The following AFF2 variants were observed in gnomAD, a reference collection of about 807,000 sequenced individuals.
AFF2 encodes AF4/FMR2 family member 2.
Under a neutral mutation model 76.9 loss-of-function variants are expected in AFF2, and 14 were observed. That is an observed-to-expected ratio of 0.18 (90% CI 0.12 to 0.28). AFF2 has a LOEUF of 0.28. Ranked by LOEUF, AFF2 falls within the 10% of genes least tolerant of loss-of-function variation. AFF2 has a pLI of 1.00. For synonymous variants in AFF2, 398 were observed against 366.7 expected (o/e 1.09, Z -0.98); for missense variants, 868 against 1,001.1 (o/e 0.87, Z 1.79).
At chrX:148,616,672 C>T (rs1235222706) in intron 1 of AFF2, among the ~76,000 whole-genome samples, 1 of 110,192 alleles carries the variant, frequency 9.1e-6, no homozygotes, top group Non-Finnish European at 1.9e-5. Context: ...GTGCTGCACC[C>T]ATTAACTCGT....
chrX:148,743,765 G>A (rs1261216232), intron 3 of AFF2, among the ~76,000 whole-genome samples: 1 of 111,015 alleles, frequency 9.0e-6, no homozygotes, highest in Non-Finnish European at 1.9e-5. Context: ...CCATTGGGTG[G>A]TCAGAGTAGG....
intron 1 of AFF2, among the ~76,000 whole-genome samples, chrX:148,625,443 A>G (rs2053915231): frequency 9.0e-6 from 1 of 110,767 alleles, no homozygotes; most frequent in African/African-American, 3.3e-5. Context: ...ACATCTTCAA[A>G]GGACAGGAGA....
intron 7 of AFF2, among the ~76,000 whole-genome samples, chrX:148,858,982 T>C (rs1440234687): frequency 9.3e-6 from 1 of 107,714 alleles, no homozygotes; most frequent in African/African-American, 3.4e-5. Context: ...AAGATTTTCA[T>C]TACTAGATAT....
chrX:148,568,628 T>A (rs1206310360), intron 1 of AFF2, among the ~76,000 whole-genome samples: 3 of 112,047 alleles, frequency 2.7e-5, no homozygotes, highest in Non-Finnish European at 3.8e-5. Flanking sequence ...GTTTTCTGTT[T>A]GCTTGACATT....
intron 1 of AFF2, among the ~76,000 whole-genome samples, chrX:148,650,163 G>T (rs1379485886): frequency 9.0e-6 from 1 of 110,775 alleles, no homozygotes; most frequent in East Asian, 2.8e-4. Flanking sequence ...GCCAATTTAT[G>T]GTGTTGAGGT....
chrX:148,739,698 G>GT (rs1184064371), intron 3 of AFF2, among the ~76,000 whole-genome samples: 1 of 111,009 alleles, frequency 9.0e-6, no homozygotes, highest in Non-Finnish European at 1.9e-5. Context: ...CTTTTTTTTA[G>GT]TTTTTTCTTT....
chrX:148,867,905 C>T (rs1056117266), intron 7 of AFF2, among the ~76,000 whole-genome samples: 1 of 111,640 alleles, frequency 9.0e-6, no homozygotes, highest in Non-Finnish European at 1.9e-5. Context: ...TATGTAAATA[C>T]TCCAAGTTCC....
At chrX:148,525,161 G>T (rs2052644813) in intron 1 of AFF2, among the ~76,000 whole-genome samples, 1 of 111,959 alleles carries the variant, frequency 8.9e-6, no homozygotes, top group Non-Finnish European at 1.9e-5. Flanking sequence ...GTGTACGTGT[G>T]TGTGTGTGCA....
At chrX:148,602,070 C>T (rs782031245) in intron 1 of AFF2, among the ~76,000 whole-genome samples, 24 of 111,731 alleles carry the variant, frequency 2.1e-4, no homozygotes, top group Non-Finnish European at 4.3e-4. Context: ...AGGGCATTAC[C>T]TTTAACAGGG....
intron 1 of AFF2, among the ~76,000 whole-genome samples, chrX:148,581,486 C>A (rs781863447): frequency 1.3e-5 from 1 of 76,292 alleles, no homozygotes; most frequent in African/African-American, 5.7e-5. Context: ...ACGTATACGT[C>A]TACGTGTACA....
chrX:148,932,941 T>G (rs2071731716), intron 9 of AFF2, among the ~76,000 whole-genome samples: 1 of 112,380 alleles, frequency 8.9e-6, no homozygotes, highest in Admixed American at 9.4e-5. Context: ...TATATTCTCT[T>G]GGGTGGAGAC....
intron 3 of AFF2, among the ~76,000 whole-genome samples, chrX:148,727,725 A>G (rs782186313): frequency 2.7e-5 from 3 of 112,054 alleles, no homozygotes; most frequent in Non-Finnish European, 5.6e-5. Flanking sequence ...TTGAGCTACT[A>G]TTAATACCAC....
intron 7 of AFF2, among the ~76,000 whole-genome samples, chrX:148,860,258 C>T (rs782392797): frequency 2.2e-4 from 25 of 111,644 alleles, no homozygotes; most frequent in Admixed American, 5.7e-4. Context: ...TCCTTGAGTC[C>T]CTTCTTTCCC....
At chrX:148,774,547 A>T (rs868950740) in intron 3 of AFF2, among the ~76,000 whole-genome samples, 1 of 110,727 alleles carries the variant, frequency 9.0e-6, no homozygotes, top group Non-Finnish European at 1.9e-5. Context: ...TCTCTTATTT[A>T]TCAGCCTCTC....
intron 3 of AFF2, among the ~76,000 whole-genome samples, chrX:148,758,104 C>G (rs1400160390): frequency 8.9e-6 from 1 of 112,324 alleles, no homozygotes; most frequent in African/African-American, 3.2e-5. Context: ...AAGCCTCACA[C>G]TGAGCAATCT....
intron 3 of AFF2, among the ~76,000 whole-genome samples, chrX:148,773,720 AAGAAAGAAAGAAAGAAAG>A (rs2069628586): frequency 6.7e-5 from 7 of 103,890 alleles, no homozygotes; most frequent in African/African-American, 2.7e-4. Context: ...GAAAGAAAGA[AAGAAAGAAAGAAAGAAAG>A]AAAGAAAGAG....
intron 1 of AFF2, among the ~76,000 whole-genome samples, chrX:148,615,242 A>G (rs1929316514): frequency 8.9e-6 from 1 of 112,073 alleles, no homozygotes; most frequent in Admixed American, 9.5e-5. Context: ...GAATCAAGAA[A>G]TGCAACAATG....
rs147037556 is a variant in AFF2, at chrX:148,907,146, C to T, written c.1397+2888C>T. Among the ~76,000 whole-genome samples, 305 of 112,106 alleles carry T rather than the reference C, an allele frequency of 2.7e-3. 2 individuals carry two copies. The highest frequency in any genetic ancestry group is 9.3e-3 in the African/African-American group (287 of 30,836). ...GGAGCTTGAAGAACAAAGATCCCCC[C>T]GGTAACACTAGAGAATTTCAGTTAC... is the stretch of plus-strand genomic sequence containing the variant. On this transcript the variant is annotated intron_variant, in intron 9 of 20. Transcript: ENST00000370460.
At chrX:148,710,242 T>C (rs1557262794) in intron 3 of AFF2, among the ~76,000 whole-genome samples, 1 of 111,754 alleles carries the variant, frequency 8.9e-6, no homozygotes, top group South Asian at 3.7e-4. Context: ...ACAACAGAAC[T>C]GAAGACAAAT....
Sources: gnomAD v4.1 joint callset for allele counts (sites outside exome capture counted in the v4.1 genomes callset) on GRCh38, gnomAD v4.1.1 for gene constraint, MANE v1.5 for transcripts, NCBI Gene and HGNC (gene_info 2026-07-23, HGNC 2026-07-21) for gene names.